NUBPL: variants seen among roughly 807,000 people sequenced by gnomAD.
NUBPL encodes the protein NUBP iron-sulfur cluster assembly factor, mitochondrial.
Under a neutral mutation model 45.7 loss-of-function variants are expected in NUBPL, and 31 were observed. The ratio of observed to expected loss-of-function variants is 0.68; its 90% CI spans 0.51 to 0.92. The LOEUF is 0.92. Among genes scored for constraint, NUBPL ranks in the 40% least tolerant of loss-of-function variants. The pLI, the probability that NUBPL is intolerant of heterozygous loss-of-function variation, is 0.00. For synonymous variants in NUBPL, 144 were observed against 140.9 expected (o/e 1.02, Z -0.15); for missense variants, 401 against 398.7 (o/e 1.01, Z -0.05).
At chr14:31,666,232 T>TAC (rs2036409810) in intron 4 of NUBPL, among the ~76,000 whole-genome samples, 1 of 9,338 alleles carries the variant, frequency 1.1e-4, no homozygotes, top group East Asian at 4.9e-3. Flanking sequence ...ATTTAAGATA[T>TAC]ATATATATAT....
At chr14:31,850,804 A>G (rs61439221) in intron 10 of NUBPL, among the ~76,000 whole-genome samples, 2,142 of 148,162 alleles carry the variant, frequency 0.014, 51 homozygotes, top group African/African-American at 0.049. Flanking sequence ...TTTTTTTTTT[A>G]TGGAGACAGG....
At chr14:31,588,529 C>A (rs1486892635) in intron 3 of NUBPL, among the ~76,000 whole-genome samples, 1 of 151,978 alleles carries the variant, frequency 6.6e-6, no homozygotes, top group Non-Finnish European at 1.5e-5. Flanking sequence ...TCCATAATCA[C>A]CCATCTATTA....
intron 4 of NUBPL, among the ~76,000 whole-genome samples, chr14:31,618,011 G>A (rs1292394081): frequency 6.6e-6 from 1 of 152,048 alleles, no homozygotes; most frequent in Non-Finnish European, 1.5e-5. Context: ...TTGGGAAGGT[G>A]TATGTCCAGG....
At chr14:31,755,234 A>C (rs80052356) in intron 6 of NUBPL, among the ~76,000 whole-genome samples, 69,119 of 151,546 alleles carry the variant, frequency 0.46, 16,880 homozygotes, top group African/African-American at 0.65. Flanking sequence ...TGGCTGGGTC[A>C]AATGGTATTT....
At chr14:31,649,594 AC>A (rs2035946609) in intron 4 of NUBPL, among the ~76,000 whole-genome samples, 3 of 152,244 alleles carry the variant, frequency 2.0e-5, no homozygotes, top group Non-Finnish European at 4.4e-5. Context: ...AAGTTTAAAA[AC>A]ATACAACTTT....
chr14:31,645,854 A>G (rs1327672662), intron 4 of NUBPL, among the ~76,000 whole-genome samples: 2 of 133,802 alleles, frequency 1.5e-5, no homozygotes, highest in Non-Finnish European at 3.1e-5. Flanking sequence ...TCTTATAGCT[A>G]TTACTGTTTT....
chr14:31,852,801 A>G (rs1482229520), intron 10 of NUBPL, among the ~76,000 whole-genome samples: 1 of 152,194 alleles, frequency 6.6e-6, no homozygotes, highest in Non-Finnish European at 1.5e-5. Flanking sequence ...AGAATCCTCC[A>G]GTTAGTCTTG....
At chr14:31,669,380 G>T (rs143802226) in intron 4 of NUBPL, among the ~76,000 whole-genome samples, 1 of 151,534 alleles carries the variant, frequency 6.6e-6, no homozygotes, top group Non-Finnish European at 1.5e-5. Flanking sequence ...TTGAATTTCT[G>T]TGTCTGGTTT....
intron 3 of NUBPL, among the ~76,000 whole-genome samples, chr14:31,586,427 A>G (rs2033998878): frequency 6.6e-6 from 1 of 152,146 alleles, no homozygotes; most frequent in South Asian, 2.1e-4. Context: ...GGTTGAAGGA[A>G]CTATGTAAGC....
At chr14:31,719,490 G>A (rs1210545316) in intron 6 of NUBPL, among the ~76,000 whole-genome samples, 1 of 146,938 alleles carries the variant, frequency 6.8e-6, no homozygotes, top group Non-Finnish European at 1.5e-5. Flanking sequence ...ATTCCTAAAG[G>A]AAAAAAAAAA....
chr14:31,701,094 G>C (rs553509878), intron 6 of NUBPL, among the ~76,000 whole-genome samples: 2 of 149,816 alleles, frequency 1.3e-5, no homozygotes, highest in African/African-American at 2.5e-5. Context: ...TGTCTAGCTC[G>C]GGGTTTGTGG....
intron 8 of NUBPL, among the ~76,000 whole-genome samples, chr14:31,841,507 T>C (rs139484602): frequency 2.6e-5 from 4 of 152,140 alleles, no homozygotes; most frequent in South Asian, 2.1e-4. Context: ...TTGCAGGAGT[T>C]CTTTATACAT....
intron 8 of NUBPL, among the ~76,000 whole-genome samples, chr14:31,837,270 T>A (rs2040296669): frequency 6.6e-6 from 1 of 152,108 alleles, no homozygotes; most frequent in Non-Finnish European, 1.5e-5. Context: ...GTTTGAGGCT[T>A]CAGTGAGCCG....
At chr14:31,779,436 T>C (rs1238049358) in intron 6 of NUBPL, among the ~76,000 whole-genome samples, 1 of 152,062 alleles carries the variant, frequency 6.6e-6, no homozygotes, top group Non-Finnish European at 1.5e-5. Flanking sequence ...GGAATGGAGA[T>C]AGTGAGAGGT....
In NUBPL at chr14:31,651,661, G is replaced by A. The variant is rs181862217; in HGVS notation, c.383-21694G>A. On this transcript the variant is annotated intron_variant, in intron 4 of 10. Coordinates refer to ENST00000281081, the MANE Select transcript of NUBPL (RefSeq NM_025152.3). Reference sequence around the variant, plus strand: ...CGCCTGTAATCCCAGCACTTTTGGAGGCTGAGGCAGGTGGATCACAAGGTC... The same window carrying A: ...CGCCTGTAATCCCAGCACTTTTGGAAGCTGAGGCAGGTGGATCACAAGGTC... Among the ~76,000 whole-genome samples the A allele has an allele frequency of 5.1e-3, 777 of 152,234 alleles. 10 individuals are homozygous for A. Among genetic ancestry groups the A allele is most frequent in the African/African-American group, 0.018 (733 of 41,554 alleles).
intron 6 of NUBPL, among the ~76,000 whole-genome samples, chr14:31,690,890 A>T (rs2037077708): frequency 6.6e-6 from 1 of 152,228 alleles, no homozygotes; most frequent in Non-Finnish European, 1.5e-5. Context: ...AGGAAGAATT[A>T]GTAGAAGAAA....
intron 6 of NUBPL, among the ~76,000 whole-genome samples, chr14:31,723,556 G>T (rs1352750115): frequency 6.6e-6 from 1 of 152,122 alleles, no homozygotes; most frequent in Non-Finnish European, 1.5e-5. Flanking sequence ...AAATGATATT[G>T]ATTCTTCCTA....
chr14:31,572,781 A>T (rs1366011709), intron 3 of NUBPL, among the ~76,000 whole-genome samples: 1 of 152,186 alleles, frequency 6.6e-6, no homozygotes, highest in Non-Finnish European at 1.5e-5. Flanking sequence ...CGTAGAGTGT[A>T]CTTAAACAAA....
In NUBPL at chr14:31,716,209, C is replaced by T. The variant is rs1298920256; in HGVS notation, c.513+42635C>T. ...TTCTTCTGGAATACCTTTTGAAGGACCTGCCTGAGTCTGTTTGACAGGTAA... is the reference window on the plus strand; with the variant it reads ...TTCTTCTGGAATACCTTTTGAAGGATCTGCCTGAGTCTGTTTGACAGGTAA... On this transcript the variant is annotated intron_variant, in intron 6 of 10. Transcript: ENST00000281081. Among the ~76,000 whole-genome samples, 10 of 152,128 alleles carry T rather than the reference C, an allele frequency of 6.6e-5. No individual in the cohort carries two copies. The East Asian group carries it at 1.7e-3, about 26-fold the overall frequency.
Sources: gnomAD v4.1 joint callset for allele counts (sites outside exome capture counted in the v4.1 genomes callset) on GRCh38, gnomAD v4.1.1 for gene constraint, MANE v1.5 for transcripts, NCBI Gene and HGNC (gene_info 2026-07-23, HGNC 2026-07-21) for gene names.